TMEM108: variants seen among roughly 807,000 people sequenced by gnomAD.
TMEM108 encodes transmembrane protein 108.
Under a neutral mutation model 35.1 loss-of-function variants are expected in TMEM108, and 12 were observed. The ratio of observed to expected loss-of-function variants is 0.34; its 90% CI spans 0.22 to 0.55. TMEM108 has a LOEUF of 0.55. TMEM108 is among the 20% of genes least tolerant of loss of function. The pLI, the probability that TMEM108 is intolerant of heterozygous loss-of-function variation, is 0.89. For synonymous variants in TMEM108, 287 were observed against 308.6 expected, an observed-to-expected ratio of 0.93 and a Z score of 0.73; for missense variants, 680 against 753.3, an observed-to-expected ratio of 0.90 and a Z score of 1.14.
At chr3:133,087,543 T>C (rs1481722275) in intron 2 of TMEM108, among the ~76,000 whole-genome samples, 1 of 152,210 alleles carries the variant, frequency 6.6e-6, no homozygotes, top group African/African-American at 2.4e-5. Context: ...AAAAATGTCA[T>C]GAAACTGTGG....
intron 3 of TMEM108, among the ~76,000 whole-genome samples, chr3:133,333,005 GC>G (rs1248333304): frequency 6.6e-6 from 1 of 152,116 alleles, no homozygotes; most frequent in Non-Finnish European, 1.5e-5. Context: ...GGCTGCATAT[GC>G]CATGGTGACA....
At chr3:133,317,259 G>A (rs1054040413) in intron 3 of TMEM108, among the ~76,000 whole-genome samples, 3 of 152,068 alleles carry the variant, frequency 2.0e-5, no homozygotes, top group African/African-American at 7.2e-5. Flanking sequence ...GTATTACTAT[G>A]ATGGCCTTTA....
chr3:133,286,762 T>C lies in TMEM108; in HGVS notation c.40+57411T>C, dbSNP rs372656461. On this transcript the variant is annotated intron_variant, in intron 3 of 5. Transcript: ENST00000321871. The stretch of plus-strand genomic sequence containing the variant: ...AAACAGTAGTGAAATATCTGGGCCG[T>C]TGGCCACTAAATGGTCCTGAGCACA... Among the ~76,000 whole-genome samples the C allele has an allele frequency of 5.9e-5, 9 of 152,326 alleles. 1 individual carries two copies. The highest frequency in any genetic ancestry group is 2.2e-4 in the African/African-American group (9 of 41,580).
chr3:133,282,905 A>T (rs1946935015), intron 3 of TMEM108, among the ~76,000 whole-genome samples: 1 of 152,266 alleles, frequency 6.6e-6, no homozygotes, highest in Non-Finnish European at 1.5e-5. Flanking sequence ...ATTGGTATTA[A>T]CATGGAACGT....
rs151129102 is a variant in TMEM108 at position 133,100,102 on chromosome 3, C to T, written c.-47+54082C>T. Among the ~76,000 whole-genome samples, 301 of 152,240 alleles carry T rather than the reference C, an allele frequency of 2.0e-3. 6 individuals are homozygous for T. In the East Asian group the frequency reaches 0.03, roughly 15 times the overall value. On this transcript the variant is annotated intron_variant, in intron 2 of 5. Transcript: ENST00000321871. ...GGCTGAGAAGGCCTCAGAATCATGG[C>T]GGGAGGTGAAAGGCACTTCTCACAT... is the stretch of plus-strand genomic sequence containing the variant.
Position 133,069,444 on chromosome 3 carries a change from G to A in TMEM108, c.-47+23424G>A, listed in dbSNP as rs143969255. 5.9e-5 allele frequency among the ~76,000 whole-genome samples: 9 copies of A among 152,234 alleles called. No individual in the cohort carries two copies. In the East Asian group the frequency reaches 1.7e-3, roughly 29 times the overall value. ...TCCCTCAGGACTCCTTCGTTTCAGT[G>A]GTAGTGCAAAGAAATGGTGGAGGCA... On this transcript the variant is annotated intron_variant, in intron 2 of 5. Transcript: ENST00000321871.
At chr3:133,063,903 T>C (rs1943565028) in intron 2 of TMEM108, among the ~76,000 whole-genome samples, 1 of 152,196 alleles carries the variant, frequency 6.6e-6, no homozygotes, top group Admixed American at 6.5e-5. Flanking sequence ...GTAGAGGTCA[T>C]GGAACATTCT....
intron 2 of TMEM108, among the ~76,000 whole-genome samples, chr3:133,154,976 C>G (rs1182001316): frequency 6.6e-6 from 1 of 152,012 alleles, no homozygotes; most frequent in Admixed American, 6.6e-5. Flanking sequence ...ATTTCATCAC[C>G]TGGGTACTTT....
chr3:133,327,523 C>A (rs1053220366), intron 3 of TMEM108, among the ~76,000 whole-genome samples: 1 of 152,108 alleles, frequency 6.6e-6, no homozygotes, highest in Non-Finnish European at 1.5e-5. Flanking sequence ...TGATAGGAGC[C>A]CCCCAGAAAA....
At chr3:133,206,719 C>T (rs1945760573) in intron 2 of TMEM108, among the ~76,000 whole-genome samples, 1 of 152,220 alleles carries the variant, frequency 6.6e-6, no homozygotes, top group South Asian at 2.1e-4. Context: ...TGAAGCTCTC[C>T]TGTATGAGGT....
chr3:133,371,639 A>AC (rs1219377991), intron 3 of TMEM108, among the ~76,000 whole-genome samples: 7 of 135,952 alleles, frequency 5.1e-5, no homozygotes, highest in East Asian at 2.2e-4. Context: ...AAAAAAAAAA[A>AC]CCCACCCAGA....
chr3:133,302,267 G>A (rs1214530658), intron 3 of TMEM108, among the ~76,000 whole-genome samples: 7 of 152,140 alleles, frequency 4.6e-5, no homozygotes, highest in East Asian at 1.9e-4. Flanking sequence ...GAGTGCATGC[G>A]TGCGCGTGCA....
At chr3:133,119,270 C>G (rs1212045889) in intron 2 of TMEM108, 1 of 152,052 alleles carries the variant, frequency 6.6e-6, no homozygotes, top group Non-Finnish European at 1.5e-5. Context: ...AGTAGGCACT[C>G]CCCTCCACCC....
intron 2 of TMEM108, among the ~76,000 whole-genome samples, chr3:133,072,537 G>A (rs532152931): frequency 6.6e-6 from 1 of 152,108 alleles, no homozygotes; most frequent in East Asian, 1.9e-4. Flanking sequence ...GTAGAAAAAG[G>A]GGAACACAGA....
rs144785606 is a variant in TMEM108, at chr3:133,321,200, TC to T, written c.41-58550del. Among the ~76,000 whole-genome samples the T allele has an allele frequency of 9.8e-3, 1,488 of 152,250 alleles. 21 individuals are homozygous for T. The highest frequency in any genetic ancestry group is 0.034 in the African/African-American group (1,392 of 41,536). ...ATTGAATGTAAAATGGATTAAATGT[TC>T]CACTTAAAAGATAGAGAATGGCAGA... On this transcript the variant is annotated intron_variant, in intron 3 of 5. Coordinates refer to ENST00000321871, the MANE Select transcript of TMEM108 (RefSeq NM_023943.4).
At chr3:133,276,976 G>C (rs961291095) in intron 3 of TMEM108, among the ~76,000 whole-genome samples, 6 of 152,148 alleles carry the variant, frequency 3.9e-5, no homozygotes, top group Non-Finnish European at 7.3e-5. Flanking sequence ...GTACACTCAG[G>C]GTCCCTCAAA....
intron 2 of TMEM108, among the ~76,000 whole-genome samples, chr3:133,158,971 T>G (rs1032419578): frequency 7.2e-5 from 11 of 152,304 alleles, no homozygotes; most frequent in Admixed American, 2.6e-4. Context: ...AAATTCCCAC[T>G]CTTTCCCATT....
At chr3:133,068,426 A>G (rs1943636572) in intron 2 of TMEM108, among the ~76,000 whole-genome samples, 1 of 152,134 alleles carries the variant, frequency 6.6e-6, no homozygotes, top group African/African-American at 2.4e-5. Flanking sequence ...TAATAGTTGT[A>G]AGAGGGCAGG....
chr3:133,163,305 C>T (rs1358944991), intron 2 of TMEM108, among the ~76,000 whole-genome samples: 1 of 152,152 alleles, frequency 6.6e-6, no homozygotes, highest in Non-Finnish European at 1.5e-5. Context: ...CATTGTCTTC[C>T]CTGTCCAGTG....
Sources: allele counts gnomAD v4.1 joint callset (sites outside exome capture counted in the v4.1 genomes callset), GRCh38; gene constraint gnomAD v4.1.1; transcripts MANE v1.5; gene names NCBI Gene and HGNC (gene_info 2026-07-23, HGNC 2026-07-21).